Variants in CACNA1D observed in about 807,000 individuals in gnomAD.
The protein encoded by CACNA1D is calcium voltage-gated channel subunit alpha1 D.
CACNA1D carries 55 observed loss-of-function variants against 257.1 expected under a neutral mutation model. The ratio of observed to expected loss-of-function variants is 0.21; its 90% CI spans 0.17 to 0.27. CACNA1D has a LOEUF of 0.27. Among genes scored for constraint, CACNA1D ranks in the 10% least tolerant of loss-of-function variants. The probability of loss-of-function intolerance (pLI) is 1.00; values close to 1 mark genes in which losing one functional copy is unlikely to be tolerated. For synonymous variants in CACNA1D, 980 were observed against 1,014.9 expected, an observed-to-expected ratio of 0.97 and a Z score of 0.65; for missense variants, 1,876 against 2,784.0, an observed-to-expected ratio of 0.67 and a Z score of 7.34.
At chr3:53,571,912 A>G (rs2107691857) in intron 3 of CACNA1D, among the ~76,000 whole-genome samples, 1 of 152,300 alleles carries the variant, frequency 6.6e-6, no homozygotes, top group South Asian at 2.1e-4. Context: ...CTCTAAAGGA[A>G]CAGGTGGTAG....
At chr3:53,581,424 C>T (rs2093130743) in intron 3 of CACNA1D, among the ~76,000 whole-genome samples, 1 of 152,158 alleles carries the variant, frequency 6.6e-6, no homozygotes, top group African/African-American at 2.4e-5. Context: ...CTCTCCTAGG[C>T]AGGTACATTC....
At chr3:53,794,874 G>A (rs1024068423) in intron 40 of CACNA1D, among the ~76,000 whole-genome samples, 6 of 152,166 alleles carry the variant, frequency 3.9e-5, no homozygotes, top group Non-Finnish European at 5.9e-5. Context: ...GATGCCCCAA[G>A]GTCCCCAGAA....
intron 20 of CACNA1D, among the ~76,000 whole-genome samples, chr3:53,738,377 C>T (rs1222397623): frequency 6.6e-6 from 1 of 152,172 alleles, no homozygotes; most frequent in Non-Finnish European, 1.5e-5. Context: ...AGGCACTGGG[C>T]CTGTCTTGAT....
At chr3:53,650,656 A>T (rs912974318) in intron 3 of CACNA1D, 123 bp from the exon 4 acceptor site, 2 of 1,029,890 alleles carry the variant, frequency 1.9e-6, no homozygotes, top group Non-Finnish European at 3.0e-6. Context: ...TCATAATGAA[A>T]CTTTGTTTGG....
chr3:53,527,399 T>A (rs1288642061), intron 3 of CACNA1D, among the ~76,000 whole-genome samples: 2 of 152,270 alleles, frequency 1.3e-5, no homozygotes, highest in Non-Finnish European at 2.9e-5. Flanking sequence ...CCTTTTCCCT[T>A]TGTTCATTGG....
rs975375670 is a variant in CACNA1D, at chr3:53,702,788, A to C, written c.1368A>C (p.Gly456=). 1 of 1,614,252 alleles carries C rather than the reference A, an allele frequency of 6.2e-7. No homozygotes were observed. Among genetic ancestry groups the C allele is most frequent in the African/African-American group, 1.3e-5 (1 of 75,066 alleles). ...TCGATCCGGAGAATGAGGAAGAAGG[A>C]GGAGAGGAAGGCAAACGAAATAGTA... ...EDIDPENEEE[G]GEEGKRNTSM... is the part of the protein sequence containing the mutation. Residue 456 remains glycine (G), a synonymous_variant, in exon 9 of 48, where the codon GGA becomes GGC. Transcript: ENST00000350061.
chr3:53,660,056 A>G (rs910720997), intron 4 of CACNA1D, 77 bp from the exon 5 acceptor site: 8 of 1,364,014 alleles, frequency 5.9e-6, no homozygotes, highest in African/African-American at 2.9e-5. Context: ...CTTTTCAAAA[A>G]TAAATAAGAT....
In CACNA1D at chr3:53,731,134, C is replaced by A. The variant is rs1386661281; in HGVS notation, c.2394C>A (p.Asn798Lys). The A allele has an allele frequency of 6.2e-7, 1 of 1,607,446 alleles. No individual in the cohort carries two copies. The highest frequency in any genetic ancestry group is 8.5e-7 in the Non-Finnish European group (1 of 1,173,932). ...NNKPEVNQIANSDNKVTIDDY... is the reference protein window; with the variant it reads ...NNKPEVNQIAKSDNKVTIDDY... Reference sequence around the variant, plus strand: ...AACCAGAAGTCAACCAGATAGCCAACAGTGACAACAAGGTATGTATTCTAA... The same window carrying A: ...AACCAGAAGTCAACCAGATAGCCAAAAGTGACAACAAGGTATGTATTCTAA... Residue 798 changes from asparagine to lysine, a missense_variant, in exon 17 of 48, where the codon AAC becomes AAA. By Grantham distance (94) the Asn-to-Lys change is moderately conservative. Coordinates refer to ENST00000350061, the MANE Select transcript of CACNA1D (RefSeq NM_001128840.3).
rs2095383343 is a variant in CACNA1D, at chr3:53,774,218, C to T, written c.4111-369C>T. 3.3e-6 allele frequency: 1 copy of T among 304,058 alleles called. No homozygotes were observed. The highest frequency in any genetic ancestry group is 4.5e-5 in the Admixed American group (1 of 22,104). The allele number at this position is 304,058 out of a possible 1,614,324, so 18.8% of individuals were successfully genotyped here. On this transcript the variant is annotated intron_variant, in intron 33 of 47. Coordinates refer to ENST00000350061, the MANE Select transcript of CACNA1D (RefSeq NM_001128840.3). The surrounding 1 kb of genome is among the most constrained non-coding windows in gnomAD (Gnocchi z 4.3). Reference sequence around the variant, plus strand: ...GTTCTGAGTTTACATGTCACTTCCCCCTAGAGGCCTTCCCTGACCCAGCCC... The same window carrying T: ...GTTCTGAGTTTACATGTCACTTCCCTCTAGAGGCCTTCCCTGACCCAGCCC...
Position 53,722,392 on chromosome 3 carries a change from G to A in CACNA1D, c.1584G>A (p.Leu528=), listed in dbSNP as rs1318572063. 3 of 1,614,076 alleles carry A rather than the reference G, an allele frequency of 1.9e-6. No homozygotes were observed. Among genetic ancestry groups the A allele is most frequent in the Admixed American group, 3.3e-5 (2 of 59,992 alleles). The change falls in exon 12 of 48, where the codon CTG becomes CTA. Residue 528 remains leucine (L), a synonymous_variant. Coordinates refer to ENST00000350061, the MANE Select transcript of CACNA1D (RefSeq NM_001128840.3). ...AAVKSVTFYW[L]VIVLVFLNTL... ...TGAAGTCTGTCACGTTTTACTGGCT[G>A]GTTATCGTCCTGGTGTTTCTGAACA...
At chr3:53,745,991 T>C (rs997684354) in intron 25 of CACNA1D, 116 bp downstream of exon 25, 1 of 780,654 alleles carries the variant, frequency 1.3e-6, no homozygotes, top group African/African-American at 1.7e-5. Context: ...GCCTGTGTGC[T>C]CAGCTTGTGG....
At chr3:53,607,485 C>G (rs2093526950) in intron 3 of CACNA1D, among the ~76,000 whole-genome samples, 1 of 152,160 alleles carries the variant, frequency 6.6e-6, no homozygotes, top group South Asian at 2.1e-4. Flanking sequence ...AACCTGCTGA[C>G]TTTGAAGACA....
intron 9 of CACNA1D, among the ~76,000 whole-genome samples, chr3:53,705,971 G>T (rs2094684600): frequency 6.6e-6 from 1 of 152,200 alleles, no homozygotes; most frequent in African/African-American, 2.4e-5. Context: ...CCAGGTCTGG[G>T]GCTGTCTCTG....
chr3:53,504,371 T>G lies in CACNA1D; in HGVS notation c.483+2651T>G, dbSNP rs934972797. 2.1e-4 allele frequency among the ~76,000 whole-genome samples: 32 copies of G among 152,298 alleles called. 1 individual carries two copies. Among genetic ancestry groups the G allele is most frequent in the East Asian group, 7.7e-4 (4 of 5,182 alleles). ...TACCTAGTAAAATTATGACTTTTTT[T>G]GGGGAAGAAACGTGGCCATCCCCAT... On this transcript the variant is annotated intron_variant, in intron 3 of 47. Coordinates refer to ENST00000350061, the MANE Select transcript of CACNA1D (RefSeq NM_001128840.3).
chr3:53,602,391 C>T (rs1056688029), intron 3 of CACNA1D, among the ~76,000 whole-genome samples: 1 of 152,178 alleles, frequency 6.6e-6, no homozygotes, highest in Non-Finnish European at 1.5e-5. Context: ...GTATTTGACT[C>T]TTGTGAATAA....
chr3:53,545,324 G>C (rs2092388326), intron 3 of CACNA1D, among the ~76,000 whole-genome samples: 2 of 152,246 alleles, frequency 1.3e-5, no homozygotes, highest in Non-Finnish European at 1.5e-5. Context: ...AGACCAGGCA[G>C]CAGAGCTGGC....
intron 43 of CACNA1D, among the ~76,000 whole-genome samples, chr3:53,803,100 TC>T (rs1164975907): frequency 1.3e-5 from 2 of 152,080 alleles, no homozygotes; most frequent in East Asian, 3.9e-4. Context: ...AGGGTCTTTT[TC>T]CCTAGGTCCA....
At chr3:53,679,251 CAA>C (rs71959732) in intron 8 of CACNA1D, 29,095 of 89,664 alleles carry the variant, frequency 0.32, 3,815 homozygotes, top group Middle Eastern at 0.53. Flanking sequence ...GCCTGGGTGA[CAA>C]GAGCAAAACT....
chr3:53,590,119 T>C (rs1416079939), intron 3 of CACNA1D, among the ~76,000 whole-genome samples: 2 of 152,268 alleles, frequency 1.3e-5, no homozygotes, highest in Non-Finnish European at 2.9e-5. Context: ...ATCCAGCTAG[T>C]GGTCCTGGCC....
Sources: gnomAD v4.1 joint callset for allele counts (sites outside exome capture counted in the v4.1 genomes callset) on GRCh38, gnomAD v4.1.1 for gene constraint, Gnocchi (gnomAD v3.1) non-coding constraint, MANE v1.5 for transcripts, NCBI Gene and HGNC (gene_info 2026-07-23, HGNC 2026-07-21) for gene names.